The following CCL26 variants were observed in gnomAD, a reference collection of about 807,000 sequenced individuals.
The protein encoded by CCL26 is C-C motif chemokine ligand 26, also known as C-C motif chemokine 26.
In CCL26, 10 loss-of-function variants were observed where a neutral mutation model predicts 10.7. That is an observed-to-expected ratio of 0.93 (90% CI 0.57 to 1.58). The LOEUF (loss-of-function observed/expected upper bound fraction) is 1.58. CCL26 is among the 40% of genes most tolerant of loss of function. The pLI is 0.00. For missense variants in CCL26, 116 were observed against 111.0 expected (o/e 1.05, Z -0.20); for synonymous variants, 43 against 41.4 (o/e 1.04, Z -0.15).
At chr7:75,785,023 G>A in intron 1 of CCL26, among the ~76,000 whole-genome samples, 1 of 152,040 alleles carries the variant, frequency 6.6e-6, no homozygotes, top group East Asian at 1.9e-4. Context: ...CATTTTACCT[G>A]TCCAAAAACC....
Position 75,769,664 on chromosome 7 carries a change from A to G in CCL26, c.*29T>C. Reference sequence around the variant, plus strand: ...GGCTGCAGAGCCAAGAGCGGGGTCCAAGCGTCCTCGGATGAAAATTCAGCT... The same window carrying G: ...GGCTGCAGAGCCAAGAGCGGGGTCCGAGCGTCCTCGGATGAAAATTCAGCT... On this transcript the variant is annotated 3_prime_UTR_variant, in exon 3 of 3. Transcript: ENST00000005180. 1 of 1,470,118 alleles carries G rather than the reference A, an allele frequency of 6.8e-7. No homozygotes were observed. Among genetic ancestry groups the G allele is most frequent in the Admixed American group, 1.7e-5 (1 of 59,780 alleles). The allele number at this position is 1,470,118 out of a possible 1,614,324, so 91.1% of individuals were successfully genotyped here.
upstream of CCL26, among the ~76,000 whole-genome samples, chr7:75,773,558 G>A (rs1477196136): frequency 2.0e-5 from 3 of 151,828 alleles, no homozygotes; most frequent in African/African-American, 7.3e-5. Flanking sequence ...GGCCATACCT[G>A]GTCAATTATT....
At chr7:75,774,838 T>C (rs1442344076), upstream of CCL26, among the ~76,000 whole-genome samples, 6 of 152,046 alleles carry the variant, frequency 3.9e-5, no homozygotes, top group Admixed American at 3.9e-4. Context: ...GAGGGTCACT[T>C]GAGCCCAGGA....
At chr7:75,772,251 G>A (rs193097222), upstream of CCL26, 819 of 1,083,834 alleles carry the variant, frequency 7.6e-4, 1 homozygote, top group Non-Finnish European at 1.0e-3. Context: ...AGACTGAGAC[G>A]GCCCTGAAAA....
chr7:75,769,646 G>T lies in CCL26; in HGVS notation c.*47C>A. 1 of 1,286,850 alleles carries T rather than the reference G, an allele frequency of 7.8e-7. No individual in the cohort carries two copies. The highest frequency in any genetic ancestry group is 1.1e-6 in the Non-Finnish European group (1 of 882,644). 79.7% of individuals were successfully genotyped at this position (1,286,850 alleles called of 1,614,324 possible). A position where few individuals can be genotyped will look rare whatever the true frequency, so the allele number is the denominator to read the frequency against. On this transcript the variant is annotated 3_prime_UTR_variant, in exon 3 of 3. Transcript: ENST00000005180. ...TCCGCAGGCTCCCCAGAGGGCTGCA[G>T]AGCCAAGAGCGGGGTCCAAGCGTCC...
At chr7:75,782,336 A>T (rs781787143) in intron 1 of CCL26, among the ~76,000 whole-genome samples, 5 of 151,998 alleles carry the variant, frequency 3.3e-5, no homozygotes, top group African/African-American at 4.8e-5. Context: ...CCCACGTTGC[A>T]TTGGTGTCTG....
At chr7:75,788,855 G>A (rs1241252051) in intron 1 of CCL26, among the ~76,000 whole-genome samples, 1 of 151,970 alleles carries the variant, frequency 6.6e-6, no homozygotes, top group Non-Finnish European at 1.5e-5. Flanking sequence ...CTGGGTGCTG[G>A]TTCACCTTTT....
intron 1 of CCL26, among the ~76,000 whole-genome samples, chr7:75,785,907 C>G (rs1392019601): frequency 1.6e-4 from 25 of 152,324 alleles, no homozygotes; most frequent in African/African-American, 5.5e-4. Context: ...GTCCAAACAA[C>G]TTGACCTTGC....
intron 2 of CCL26, among the ~76,000 whole-genome samples, chr7:75,771,061 T>C (rs1554528040): frequency 6.6e-6 from 1 of 151,846 alleles, no homozygotes; most frequent in Non-Finnish European, 1.5e-5. Context: ...CTGTGGTTAC[T>C]GGGGGATAAC....
chr7:75,769,866 C>A (rs933953855), intron 2 of CCL26, 77 bp from the exon 3 acceptor site: 6 of 874,934 alleles, frequency 6.9e-6, no homozygotes, highest in African/African-American at 4.9e-5. Context: ...GAAGGAGGGG[C>A]AGCTCTCTCA....
chr7:75,791,050 G>A (rs2115713014), upstream of CCL26, among the ~76,000 whole-genome samples: 1 of 141,614 alleles, frequency 7.1e-6, no homozygotes, highest in South Asian at 2.2e-4. Context: ...TTTTGAGACA[G>A]AGTCTTGCTC....
chr7:75,787,785 T>C (rs1803233452), intron 1 of CCL26, among the ~76,000 whole-genome samples: 1 of 151,916 alleles, frequency 6.6e-6, no homozygotes, highest in South Asian at 2.1e-4. Context: ...CTAAACCCCC[T>C]TGGACACTCT....
At position 75,782,645 on chromosome 7, in the gene CCL26, A is replaced by G. The variant is rs1803089771; in HGVS notation, c.-79+7072T>C. Among the ~76,000 whole-genome samples, 8 of 152,202 alleles carry G rather than the reference A, an allele frequency of 5.3e-5. No individual in the cohort carries two copies. In the South Asian group the frequency reaches 1.5e-3, roughly 28 times the overall value. ...TTCTTCTGCAATACCGCTTGGCCCA[A>G]TACAAACTCGACACTAGCTCCAAGT... is the stretch of plus-strand genomic sequence containing the variant. On this transcript the variant is annotated intron_variant, in intron 1 of 3. Transcript: ENST00000394905.
upstream of CCL26, among the ~76,000 whole-genome samples, chr7:75,776,232 C>T (rs561495573): frequency 5.9e-5 from 9 of 151,726 alleles, no homozygotes; most frequent in East Asian, 4.0e-4. Context: ...CCACCATGCC[C>T]GACTAATTTT....
intron 2 of CCL26, among the ~76,000 whole-genome samples, chr7:75,770,701 A>G (rs114578541): frequency 1.5e-3 from 223 of 151,120 alleles, no homozygotes; most frequent in African/African-American, 5.1e-3. Context: ...TTTTTGAAAC[A>G]GTTTCTCTCT....
At chr7:75,779,627 G>T (rs1468055529) in intron 1 of CCL26, among the ~76,000 whole-genome samples, 1 of 152,142 alleles carries the variant, frequency 6.6e-6, no homozygotes, top group Non-Finnish European at 1.5e-5. Context: ...CAAAACTCCG[G>T]CTCCAGTCAT....
In CCL26 at chr7:75,771,979, C is replaced by T. The variant is rs1563334910; in HGVS notation, c.98G>A (p.Cys33Tyr). 2 of 1,614,036 alleles carry T rather than the reference C, an allele frequency of 1.2e-6. No homozygotes were observed. The highest frequency in any genetic ancestry group is 2.2e-5 in the East Asian group (1 of 44,882). ...GGGCTTGTGGCTGTATTGGAAGCAG[C>T]AGGTCTTGGATATGTCACTCCCACC... Reference protein sequence around the residue: ...ATRGSDISKTCCFQYSHKPLP... With the variant: ...ATRGSDISKTYCFQYSHKPLP... The change falls in exon 2 of 3, where the codon TGC becomes TAC. Residue 33 changes from cysteine (C) to tyrosine (Y), a missense_variant. Coordinates refer to ENST00000005180, the MANE Select transcript of CCL26 (RefSeq NM_001371938.1).
intron 1 of CCL26, among the ~76,000 whole-genome samples, chr7:75,781,085 C>A (rs1050427840): frequency 2.0e-5 from 3 of 152,240 alleles, no homozygotes; most frequent in African/African-American, 7.2e-5. Context: ...CATTTCACAA[C>A]AACCCTTAGC....
chr7:75,769,924 C>T, intron 2 of CCL26, 135 bp from the exon 3 acceptor site: 1 of 609,766 alleles, frequency 1.6e-6, no homozygotes. Context: ...GTCCCTGTCC[C>T]CTCTTCTCCT....
Sources: allele counts gnomAD v4.1 joint callset (sites outside exome capture counted in the v4.1 genomes callset), GRCh38; gene constraint gnomAD v4.1.1; transcripts MANE v1.5; gene names NCBI Gene and HGNC (gene_info 2026-07-23, HGNC 2026-07-21).